The following PPP1R1C variants were observed in gnomAD, a reference collection of about 807,000 sequenced individuals.
PPP1R1C encodes protein phosphatase 1 regulatory inhibitor subunit 1C.
Under a neutral mutation model 17.4 loss-of-function variants are expected in PPP1R1C, and 15 were observed. The observed-to-expected ratio is 0.86, with a 90% CI of 0.58 to 1.33. The LOEUF (loss-of-function observed/expected upper bound fraction) is 1.33. Ranked by LOEUF, PPP1R1C falls within the 40% of genes most tolerant of loss-of-function variation. PPP1R1C has a pLI of 0.00. For missense variants in PPP1R1C, 143 were observed against 130.0 expected, an observed-to-expected ratio of 1.10 and a Z score of -0.48; for synonymous variants, 35 against 43.1, an observed-to-expected ratio of 0.81 and a Z score of 0.73.
chr2:182,057,477 C>A (rs1687721174), intron 2 of PPP1R1C, among the ~76,000 whole-genome samples: 1 of 152,092 alleles, frequency 6.6e-6, no homozygotes, highest in South Asian at 2.1e-4. Context: ...TGCACAGAAG[C>A]AGCAAGCTGG....
intron 4 of PPP1R1C, among the ~76,000 whole-genome samples, chr2:182,097,894 G>A (rs1688989654): frequency 6.6e-6 from 1 of 151,992 alleles, no homozygotes; most frequent in South Asian, 2.1e-4. Flanking sequence ...AATACTCCAA[G>A]GCAAACTCTT....
chr2:181,961,995 C>A lies in PPP1R1C; in HGVS notation n.111+7361C>A. ...GTCTCATACTTGACTCTAAAGTCAT[C>A]GGCTGCAAGACAGGCATTGTCAATC... On this transcript the variant is annotated intron_variant and non_coding_transcript_variant, in intron 1 of 5. Coordinates refer to the PPP1R1C transcript ENST00000464264. The surrounding 1 kb of genome is among the most constrained non-coding windows in gnomAD (Gnocchi z 5.8). 1 of 731,134 alleles carries A rather than the reference C, an allele frequency of 1.4e-6. No homozygotes were observed. The highest frequency in any genetic ancestry group is 1.4e-5 in the South Asian group (1 of 73,210). 45.3% of individuals were successfully genotyped at this position (731,134 alleles called of 1,614,324 possible). A position where few individuals can be genotyped will look rare whatever the true frequency, so the allele number is the denominator to read the frequency against.
intron 2 of PPP1R1C, among the ~76,000 whole-genome samples, chr2:182,017,304 G>A (rs888075090): frequency 3.9e-5 from 6 of 152,020 alleles, no homozygotes; most frequent in Admixed American, 6.6e-5. Flanking sequence ...TATATTGGGG[G>A]ACTGGTCTAA....
intron 4 of PPP1R1C, among the ~76,000 whole-genome samples, chr2:182,099,636 T>G (rs1262124767): frequency 6.6e-6 from 1 of 152,208 alleles, no homozygotes; most frequent in East Asian, 1.9e-4. Flanking sequence ...CAAATTGAAA[T>G]AATGTGTTAG....
At chr2:181,966,929 G>A (rs1044425108) in intron 1 of PPP1R1C, among the ~76,000 whole-genome samples, 1 of 152,112 alleles carries the variant, frequency 6.6e-6, no homozygotes, top group Non-Finnish European at 1.5e-5. Context: ...GTGAAGCCAT[G>A]GGGGGTGCTT....
chr2:182,033,501 G>C (rs1027688287), intron 2 of PPP1R1C, among the ~76,000 whole-genome samples: 5 of 152,046 alleles, frequency 3.3e-5, no homozygotes, highest in Non-Finnish European at 5.9e-5. Flanking sequence ...CTTGCTCCTT[G>C]TTATGTATTC....
chr2:182,062,884 C>T (rs538277204), intron 3 of PPP1R1C, among the ~76,000 whole-genome samples: 4 of 152,138 alleles, frequency 2.6e-5, no homozygotes, highest in East Asian at 1.9e-4. Flanking sequence ...AAAATAATTG[C>T]CCCAGATGCA....
intron 2 of PPP1R1C, among the ~76,000 whole-genome samples, chr2:182,035,298 A>G (rs774078115): frequency 6.6e-5 from 10 of 152,236 alleles, no homozygotes; most frequent in Admixed American, 1.3e-4. Flanking sequence ...TCAAATGCCT[A>G]AGTAAAATAT....
At chr2:181,991,209 G>C (rs1177481450) in intron 2 of PPP1R1C, among the ~76,000 whole-genome samples, 1 of 151,544 alleles carries the variant, frequency 6.6e-6, no homozygotes, top group African/African-American at 2.4e-5. Context: ...ATTTTGTAGA[G>C]GAAAAATAGA....
chr2:182,106,154 G>A (rs1282716956), intron 4 of PPP1R1C, among the ~76,000 whole-genome samples: 2 of 152,146 alleles, frequency 1.3e-5, no homozygotes, highest in Non-Finnish European at 2.9e-5. Flanking sequence ...ACAGGAGTGG[G>A]GCAGGGAAGT....
chr2:182,047,820 G>T (rs1687389897), intron 2 of PPP1R1C, among the ~76,000 whole-genome samples: 1 of 152,180 alleles, frequency 6.6e-6, no homozygotes, highest in Non-Finnish European at 1.5e-5. Context: ...CTTGGAAGTG[G>T]CAGCAGAAAT....
chr2:182,022,670 G>A (rs1350230008), intron 2 of PPP1R1C, among the ~76,000 whole-genome samples: 1 of 152,180 alleles, frequency 6.6e-6, no homozygotes, highest in Non-Finnish European at 1.5e-5. Context: ...AAACCCTGAA[G>A]AGTAGTAACT....
At chr2:181,959,336 T>C (rs10460374) in intron 1 of PPP1R1C, among the ~76,000 whole-genome samples, 4,410 of 152,330 alleles carry the variant, frequency 0.029, 92 homozygotes, top group South Asian at 0.082. Flanking sequence ...ATTATTTATT[T>C]ACTCAACTGA....
intron 2 of PPP1R1C, among the ~76,000 whole-genome samples, chr2:182,039,316 C>G (rs1203054114): frequency 6.6e-6 from 1 of 152,098 alleles, no homozygotes; most frequent in African/African-American, 2.4e-5. Flanking sequence ...CTGCTCAAAC[C>G]AGCTTCCTGT....
rs182507059 is a variant in PPP1R1C, at chr2:182,031,468, A to T, written c.143-29974A>T. On this transcript the variant is annotated intron_variant, in intron 2 of 4. Coordinates refer to ENST00000682840, the MANE Select transcript of PPP1R1C (RefSeq NM_001080545.3). ...GGCAAAAATAAAGTAAAAAAATTTAAATCATTTACTTAACTTAGTTATAGC... is the reference window on the plus strand; with the variant it reads ...GGCAAAAATAAAGTAAAAAAATTTATATCATTTACTTAACTTAGTTATAGC... 3.2e-4 allele frequency among the ~76,000 whole-genome samples: 48 copies of T among 152,328 alleles called. No individual in the cohort carries two copies. In the East Asian group the frequency reaches 5.2e-3, roughly 17 times the overall value.
intron 5 of PPP1R1C, among the ~76,000 whole-genome samples, chr2:182,127,156 G>A (rs1273077970): frequency 2.0e-5 from 3 of 152,038 alleles, no homozygotes; most frequent in Non-Finnish European, 4.4e-5. Context: ...ACAGTTACCA[G>A]AAGTCCAGCT....
chr2:182,115,754 A>G (rs1294346789), intron 4 of PPP1R1C, among the ~76,000 whole-genome samples: 1 of 152,168 alleles, frequency 6.6e-6, no homozygotes, highest in Non-Finnish European at 1.5e-5. Flanking sequence ...TATTTTTGCA[A>G]TCCATGAAGT....
At chr2:181,969,110 T>G (rs1185355230) in intron 1 of PPP1R1C, among the ~76,000 whole-genome samples, 8 of 152,180 alleles carry the variant, frequency 5.3e-5, no homozygotes, top group Non-Finnish European at 1.5e-5. Flanking sequence ...TATTGTTTAG[T>G]CTTTCTACTC....
At chr2:182,067,926 A>G (rs568146462) in intron 4 of PPP1R1C, among the ~76,000 whole-genome samples, 182 of 152,198 alleles carry the variant, frequency 1.2e-3, no homozygotes, top group South Asian at 0.011. Flanking sequence ...ATTTAATTAC[A>G]TTGCTGGACA....
Sources: allele counts gnomAD v4.1 joint callset (sites outside exome capture counted in the v4.1 genomes callset), GRCh38; gene constraint gnomAD v4.1.1; non-coding constraint Gnocchi (gnomAD v3.1); transcripts MANE v1.5; gene names NCBI Gene and HGNC (gene_info 2026-07-23, HGNC 2026-07-21).